RGS6: variants seen among roughly 807,000 people sequenced by gnomAD.
RGS6 encodes the protein regulator of G-protein signaling 6.
A neutral mutation model predicts 78.5 loss-of-function variants in RGS6; 30 were observed. That is an observed-to-expected ratio of 0.38 (90% CI 0.29 to 0.52). The LOEUF is 0.52. Ranked by LOEUF, RGS6 falls within the 20% of genes least tolerant of loss-of-function variation. The probability of loss-of-function intolerance (pLI) is 0.85; values close to 1 mark genes in which losing one functional copy is unlikely to be tolerated. For missense variants in RGS6, 495 were observed against 609.7 expected (o/e 0.81, Z 1.98); for synonymous variants, 206 against 206.0 (o/e 1.00, Z 0.00).
chr14:72,180,750 T>C (rs1434035526), intron 2 of RGS6, among the ~76,000 whole-genome samples: 1 of 152,196 alleles, frequency 6.6e-6, no homozygotes, highest in Non-Finnish European at 1.5e-5. Flanking sequence ...ATCGATGCTG[T>C]TATCATGGGA....
upstream of RGS6, among the ~76,000 whole-genome samples, chr14:71,930,563 A>G (rs1444633386): frequency 1.3e-5 from 2 of 151,264 alleles, no homozygotes; most frequent in African/African-American, 4.8e-5. Flanking sequence ...GATTTCACAT[A>G]TTTTTTTTTA....
chr14:71,894,896 C>A, the RGS6 span, among the ~76,000 whole-genome samples: 3 of 151,926 alleles, frequency 2.0e-5, no homozygotes, highest in Admixed American at 1.3e-4. Context: ...GTGATCTCAG[C>A]TGGGATTACA....
chr14:72,571,466 A>G (rs1052949226), downstream of RGS6, among the ~76,000 whole-genome samples: 2 of 152,246 alleles, frequency 1.3e-5, no homozygotes, highest in Non-Finnish European at 2.9e-5. Context: ...TACTGGTAAG[A>G]GGAGAGACAT....
At chr14:72,314,257 G>C (rs1231612732) in intron 2 of RGS6, among the ~76,000 whole-genome samples, 1 of 152,172 alleles carries the variant, frequency 6.6e-6, no homozygotes, top group Non-Finnish European at 1.5e-5. Flanking sequence ...GGGTTAGACA[G>C]CTCACTGACA....
chr14:72,496,698 G>A (rs905142950), intron 13 of RGS6, among the ~76,000 whole-genome samples: 2 of 152,198 alleles, frequency 1.3e-5, no homozygotes, highest in African/African-American at 2.4e-5. Context: ...TGGCCCAGGG[G>A]CACTGTGAAA....
intron 2 of RGS6, among the ~76,000 whole-genome samples, chr14:72,232,802 A>G (rs11848300): frequency 0.45 from 68,946 of 151,996 alleles, 15,950 homozygotes; most frequent in Middle Eastern, 0.62. Context: ...GGATGAAGTA[A>G]TGAGAGGACC....
chr14:72,152,806 A>G (rs1281034567), intron 2 of RGS6, among the ~76,000 whole-genome samples: 1 of 152,158 alleles, frequency 6.6e-6, no homozygotes, highest in African/African-American at 2.4e-5. Context: ...TCCTTAGTTT[A>G]GCTAACATCT....
At chr14:72,185,452 C>G (rs1480628722) in intron 2 of RGS6, among the ~76,000 whole-genome samples, 1 of 152,110 alleles carries the variant, frequency 6.6e-6, no homozygotes, top group Non-Finnish European at 1.5e-5. Context: ...TCATAGAAAA[C>G]TCTTGATGAG....
intron 2 of RGS6, among the ~76,000 whole-genome samples, chr14:72,254,600 C>A (rs960153355): frequency 6.6e-6 from 1 of 152,030 alleles, no homozygotes; most frequent in African/African-American, 2.4e-5. Context: ...TACTGGGAAC[C>A]CCTCTGCAGC....
chr14:72,224,136 G>A (rs2047534814), intron 2 of RGS6, among the ~76,000 whole-genome samples: 1 of 152,144 alleles, frequency 6.6e-6, no homozygotes, highest in African/African-American at 2.4e-5. Flanking sequence ...ATAAGAAATG[G>A]GGCTTGGCAA....
intron 17 of RGS6, among the ~76,000 whole-genome samples, chr14:72,541,983 C>A (rs1380605555): frequency 6.6e-6 from 1 of 152,110 alleles, no homozygotes; most frequent in Non-Finnish European, 1.5e-5. Flanking sequence ...CAAGAAAGCA[C>A]CAAGACACCC....
intron 1 of RGS6, among the ~76,000 whole-genome samples, chr14:71,942,313 G>T (rs2090734655): frequency 6.6e-6 from 1 of 151,840 alleles, no homozygotes; most frequent in Admixed American, 6.6e-5. Flanking sequence ...CCTCTCTCAG[G>T]TCTGGAAGAG....
At chr14:72,370,737 A>T (rs1483542330) in intron 3 of RGS6, among the ~76,000 whole-genome samples, 2 of 152,234 alleles carry the variant, frequency 1.3e-5, no homozygotes, top group Non-Finnish European at 2.9e-5. Flanking sequence ...TTTTAACATC[A>T]ATCATGGTAA....
chr14:72,087,946 T>A (rs1460041629), intron 2 of RGS6, among the ~76,000 whole-genome samples: 1 of 152,118 alleles, frequency 6.6e-6, no homozygotes, highest in African/African-American at 2.4e-5. Context: ...TTCATAGCTA[T>A]GATCCTTAGA....
chr14:72,495,320 C>A, intron 13 of RGS6, 58 bp downstream of exon 13: 1 of 1,040,470 alleles, frequency 9.6e-7, no homozygotes, highest in South Asian at 1.3e-5. Flanking sequence ...TCCATGAGAT[C>A]ATGAGATTAC....
In RGS6 at chr14:72,277,601, TA is replaced by T. The variant is rs201679734; in HGVS notation, c.85-74482del. 3.3e-4 allele frequency among the ~76,000 whole-genome samples: 46 copies of T among 138,346 alleles called. 1 individual carries two copies. The highest frequency in any genetic ancestry group is 1.4e-3 in the South Asian group (6 of 4,352). 90.8% of individuals were successfully genotyped at this position (138,346 alleles called of 152,430 possible). ...ACAGAGAGCGACTCCATCTAAAAAA[TA>T]AAAAAAAAAAATTTTAAATTTAAAA... On this transcript the variant is annotated intron_variant, in intron 2 of 17. Coordinates refer to ENST00000553525, the MANE Select transcript of RGS6 (RefSeq NM_001204424.2).
At chr14:72,170,764 T>C (rs964383874) in intron 2 of RGS6, among the ~76,000 whole-genome samples, 1 of 152,250 alleles carries the variant, frequency 6.6e-6, no homozygotes, top group Non-Finnish European at 1.5e-5. Flanking sequence ...CAATCTGTAG[T>C]ACCTATGACA....
chr14:72,187,569 A>G (rs959629816), intron 2 of RGS6, among the ~76,000 whole-genome samples: 1 of 152,144 alleles, frequency 6.6e-6, no homozygotes, highest in Admixed American at 6.6e-5. Context: ...GACAGGCTTG[A>G]AATTTCAGTC....
At chr14:71,908,364 A>G in the RGS6 span, 1 of 152,206 alleles carries the variant, frequency 6.6e-6, no homozygotes, top group African/African-American at 2.4e-5. Flanking sequence ...AGAGTTTCCA[A>G]TGTGGGAGTT....
Sources: allele counts gnomAD v4.1 joint callset (sites outside exome capture counted in the v4.1 genomes callset), GRCh38; gene constraint gnomAD v4.1.1; transcripts MANE v1.5; gene names NCBI Gene and HGNC (gene_info 2026-07-23, HGNC 2026-07-21).